PALS2: variants seen among roughly 807,000 people sequenced by gnomAD.
The protein encoded by PALS2 is protein PALS2.
PALS2 carries 27 observed loss-of-function variants against 61.6 expected under a neutral mutation model. That is an observed-to-expected ratio of 0.44 (90% confidence interval 0.32 to 0.60). The LOEUF (loss-of-function observed/expected upper bound fraction) is 0.60, where lower values mean the gene tolerates loss of function less well. Among genes scored for constraint, PALS2 ranks in the 20% least tolerant of loss-of-function variants. The pLI, the probability that PALS2 is intolerant of heterozygous loss-of-function variation, is 0.05. For synonymous variants in PALS2, 236 were observed against 218.6 expected (o/e 1.08, Z -0.70); for missense variants, 554 against 639.4 (o/e 0.87, Z 1.44).
Position 24,618,485 on chromosome 7 carries a change from A to T in PALS2, c.-2-5181A>T, listed in dbSNP as rs1410152192. Among the ~76,000 whole-genome samples, 6 of 152,222 alleles carry T rather than the reference A, an allele frequency of 3.9e-5. No individual in the cohort carries two copies. Among genetic ancestry groups the T allele is most frequent in the African/African-American group, 1.4e-4 (6 of 41,456 alleles). On this transcript the variant is annotated intron_variant, in intron 1 of 11. Transcript: ENST00000222644. This position sits in a 1 kb window ranked among gnomAD's most constrained non-coding sequence, Gnocchi z 5.1. ...CTCAAGGTGATCGGTGACATGCTGC[A>T]GCAGCTTGGCTCACAAGGGAGTAAG...
At chr7:24,653,672 A>G (rs1358274106) in intron 5 of PALS2, among the ~76,000 whole-genome samples, 2 of 152,218 alleles carry the variant, frequency 1.3e-5, no homozygotes. Context: ...ATTATCTGTT[A>G]AAACAGATGA....
chr7:24,592,060 T>C (rs1783308413), intron 1 of PALS2, among the ~76,000 whole-genome samples: 1 of 151,590 alleles, frequency 6.6e-6, no homozygotes, highest in South Asian at 2.1e-4. Flanking sequence ...GAAAGCAGAG[T>C]GTTGCTTTCT....
chr7:24,630,208 T>G (rs958157966), intron 2 of PALS2, among the ~76,000 whole-genome samples: 1 of 152,202 alleles, frequency 6.6e-6, no homozygotes, highest in Non-Finnish European at 1.5e-5. Flanking sequence ...ACCATCATTT[T>G]CAGCAAAATA....
intron 8 of PALS2, chr7:24,666,763 A>G: frequency 6.6e-6 from 1 of 152,186 alleles, no homozygotes; most frequent in East Asian, 1.9e-4. Context: ...AAAACAATGT[A>G]AAATAAGACC....
intron 1 of PALS2, among the ~76,000 whole-genome samples, chr7:24,602,717 G>A (rs1562608053): frequency 6.6e-6 from 1 of 152,090 alleles, no homozygotes; most frequent in Admixed American, 6.6e-5. Context: ...TTTCAGTTCT[G>A]TGTAGTGGAG....
chr7:24,580,629 T>A (rs77894613), intron 1 of PALS2, among the ~76,000 whole-genome samples: 8,528 of 152,288 alleles, frequency 0.056, 323 homozygotes, highest in African/African-American at 0.1. Context: ...TCATCCATAA[T>A]TTATCTTTTC....
At chr7:24,615,995 A>G (rs1350329721) in intron 1 of PALS2, among the ~76,000 whole-genome samples, 2 of 152,192 alleles carry the variant, frequency 1.3e-5, no homozygotes, top group Admixed American at 6.5e-5. Context: ...TGTAAAATTC[A>G]ACATTCCTTC....
In PALS2 at chr7:24,573,565, CGGCGCGGA is replaced by C. The variant is rs1477464274; in HGVS notation, c.-26_-19del. 12 of 384,786 alleles carry C rather than the reference CGGCGCGGA, an allele frequency of 3.1e-5. No individual in the cohort carries two copies. Among genetic ancestry groups the C allele is most frequent in the Non-Finnish European group, 5.0e-5 (11 of 218,322 alleles). The allele number at this position is 384,786 out of a possible 1,614,324, so 23.8% of individuals were successfully genotyped here. ...GAGCGACCGGGAGCGGCGGCAGCGG[CGGCGCGGA>C]GGCGGCTGAGGTGCGAGCCGGTGAG... On this transcript the variant is annotated 5_prime_UTR_variant, in exon 1 of 12. Transcript: ENST00000222644. The surrounding 1 kb of genome is among the most constrained non-coding windows in gnomAD (Gnocchi z 5.3).
chr7:24,686,664 C>T (rs908608057), intron 11 of PALS2, among the ~76,000 whole-genome samples: 1 of 152,176 alleles, frequency 6.6e-6, no homozygotes, highest in African/African-American at 2.4e-5. Flanking sequence ...TTATCTCCTC[C>T]ACTAAAGGAT....
chr7:24,668,604 G>A lies in PALS2; in HGVS notation c.1058G>A (p.Ser353Asn). The A allele has an allele frequency of 6.2e-7, 1 of 1,613,914 alleles. No individual in the cohort carries two copies. ...GGAGCTCAAGGTGTAGGCCGAAGAA[G>A]CTTGAAAAACAGGTTCATAGTATTG... is the stretch of plus-strand genomic sequence containing the variant. Reference protein sequence around the residue: ...LIGAQGVGRRSLKNRFIVLNP... With the variant: ...LIGAQGVGRRNLKNRFIVLNP... The change falls in exon 9 of 12, where the codon AGC becomes AAC. Residue 353 changes from serine (S) to asparagine (N), a missense_variant. Physicochemically the swap from Ser to Asn is conservative, Grantham distance 46. Transcript: ENST00000222644.
At chr7:24,632,185 G>A (rs964061174) in intron 2 of PALS2, among the ~76,000 whole-genome samples, 4 of 152,082 alleles carry the variant, frequency 2.6e-5, no homozygotes, top group African/African-American at 7.2e-5. Flanking sequence ...AACTCTTATC[G>A]TTATGTAATG....
chr7:24,658,030 C>G (rs1435289288), intron 5 of PALS2, among the ~76,000 whole-genome samples: 1 of 152,052 alleles, frequency 6.6e-6, no homozygotes, highest in Non-Finnish European at 1.5e-5. Context: ...TTCTGTTTCT[C>G]CTGTCCTTTG....
At chr7:24,616,841 G>A in intron 1 of PALS2, among the ~76,000 whole-genome samples, 1 of 151,964 alleles carries the variant, frequency 6.6e-6, no homozygotes, top group Non-Finnish European at 1.5e-5. Flanking sequence ...GCTGTTTTTA[G>A]AACTCTTTGT....
chr7:24,661,513 G>A (rs146904317), intron 5 of PALS2, among the ~76,000 whole-genome samples: 56 of 152,246 alleles, frequency 3.7e-4, no homozygotes, highest in African/African-American at 1.3e-3. Context: ...CCACACATAA[G>A]AATGGTAATC....
At chr7:24,627,603 AATAG>A (rs1307796222) in intron 2 of PALS2, among the ~76,000 whole-genome samples, 8 of 152,212 alleles carry the variant, frequency 5.3e-5, no homozygotes, top group South Asian at 4.1e-4. Flanking sequence ...AGATTAGCAA[AATAG>A]ATAGACCGCT....
At chr7:24,644,892 G>A (rs987461306) in intron 3 of PALS2, among the ~76,000 whole-genome samples, 3 of 152,024 alleles carry the variant, frequency 2.0e-5, no homozygotes, top group Non-Finnish European at 4.4e-5. Context: ...TTTCTCTAAC[G>A]ATCAGTGATA....
chr7:24,576,528 C>G (rs548793570), intron 1 of PALS2, among the ~76,000 whole-genome samples: 6 of 152,286 alleles, frequency 3.9e-5, no homozygotes, highest in African/African-American at 1.4e-4. Flanking sequence ...TACAAAGTAT[C>G]ATTCTTTATA....
At chr7:24,677,926 G>C (rs1787705826) in intron 9 of PALS2, among the ~76,000 whole-genome samples, 1 of 152,092 alleles carries the variant, frequency 6.6e-6, no homozygotes, top group African/African-American at 2.4e-5. Flanking sequence ...AGTTCATTTT[G>C]TTCTTATAAA....
At chr7:24,657,543 T>C (rs953444648) in intron 5 of PALS2, among the ~76,000 whole-genome samples, 1 of 152,202 alleles carries the variant, frequency 6.6e-6, no homozygotes, top group African/African-American at 2.4e-5. Flanking sequence ...ATTTTGTCCA[T>C]TTTTTGTTGA....
Sources: gnomAD v4.1 joint callset for allele counts (sites outside exome capture counted in the v4.1 genomes callset) on GRCh38, gnomAD v4.1.1 for gene constraint, Gnocchi (gnomAD v3.1) non-coding constraint, MANE v1.5 for transcripts, NCBI Gene and HGNC (gene_info 2026-07-23, HGNC 2026-07-21) for gene names.